Variants in KIF13B observed in about 807,000 individuals in gnomAD.
The protein encoded by KIF13B is kinesin-like protein KIF13B.
Under a neutral mutation model 222.0 loss-of-function variants are expected in KIF13B, and 127 were observed. That is an observed-to-expected ratio of 0.57 (90% CI 0.50 to 0.66). The LOEUF is 0.66. KIF13B is among the 30% of genes least tolerant of loss of function. The pLI, the probability that KIF13B is intolerant of heterozygous loss-of-function variation, is 0.00. For synonymous variants in KIF13B, 976 were observed against 919.0 expected, an observed-to-expected ratio of 1.06 and a Z score of -1.12; for missense variants, 2,173 against 2,379.0, an observed-to-expected ratio of 0.91 and a Z score of 1.80.
chr8:29,215,290 G>C (rs912405976), intron 2 of KIF13B, among the ~76,000 whole-genome samples: 4 of 151,996 alleles, frequency 2.6e-5, no homozygotes, highest in African/African-American at 9.7e-5. Flanking sequence ...GCAAATTTGG[G>C]GCAACACCTG....
At chr8:29,199,732 A>C (rs1011628224) in intron 2 of KIF13B, among the ~76,000 whole-genome samples, 2 of 152,126 alleles carry the variant, frequency 1.3e-5, no homozygotes, top group African/African-American at 4.8e-5. Context: ...ACACTGATCA[A>C]AACACTCTCG....
At position 29,068,741 on chromosome 8, in the gene KIF13B, G is replaced by A. The variant is rs1284157630; in HGVS notation, c.*1763C>T. 2 of 152,536 alleles carry A rather than the reference G, an allele frequency of 1.3e-5. No homozygotes were observed. Among genetic ancestry groups the A allele is most frequent in the Middle Eastern group, 3.4e-3 (1 of 294 alleles). 9.4% of individuals were successfully genotyped at this position (152,536 alleles called of 1,614,324 possible). A position where few individuals can be genotyped will look rare whatever the true frequency, so the allele number is the denominator to read the frequency against. On this transcript the variant is annotated 3_prime_UTR_variant, in exon 40 of 40. Coordinates refer to ENST00000524189, the MANE Select transcript of KIF13B (RefSeq NM_015254.4). The surrounding 1 kb of genome is among the most constrained non-coding windows in gnomAD (Gnocchi z 4.4). ...CACCCAGGCCATAGTGACACCAGCGGACCCAAAAACAAACTTCTCAGTGAA... is the reference window on the plus strand; with the variant it reads ...CACCCAGGCCATAGTGACACCAGCGAACCCAAAAACAAACTTCTCAGTGAA...
At chr8:29,119,819 G>A (rs1039232925) in intron 29 of KIF13B, among the ~76,000 whole-genome samples, 7 of 149,266 alleles carry the variant, frequency 4.7e-5, no homozygotes, top group Admixed American at 1.3e-4. Flanking sequence ...TGTATTATTC[G>A]GTATTATTCT....
At chr8:29,216,669 C>A (rs1177708827) in intron 2 of KIF13B, among the ~76,000 whole-genome samples, 1 of 151,894 alleles carries the variant, frequency 6.6e-6, no homozygotes, top group Non-Finnish European at 1.5e-5. Context: ...GCCCTCCCAC[C>A]CATGGCAAAT....
At chr8:29,163,644 G>GT (rs1292401415) in intron 12 of KIF13B, among the ~76,000 whole-genome samples, 5 of 152,260 alleles carry the variant, frequency 3.3e-5, no homozygotes, top group South Asian at 2.1e-4. Flanking sequence ...AAGAGACCAG[G>GT]TTTCTTCAAT....
chr8:29,149,081 G>A (rs896004651), intron 15 of KIF13B, among the ~76,000 whole-genome samples: 1 of 152,184 alleles, frequency 6.6e-6, no homozygotes, highest in African/African-American at 2.4e-5. Context: ...AGTCTTCACG[G>A]ATAAGGAGAA....
chr8:29,075,448 C>T (rs190345447), intron 37 of KIF13B, 105 bp from the exon 38 acceptor site: 10 of 1,032,832 alleles, frequency 9.7e-6, no homozygotes, highest in South Asian at 4.9e-5. Context: ...CGAGGGGAAT[C>T]GGCCCATCAG....
At chr8:29,230,599 T>C (rs900316792) in intron 2 of KIF13B, among the ~76,000 whole-genome samples, 5 of 152,114 alleles carry the variant, frequency 3.3e-5, no homozygotes, top group African/African-American at 1.2e-4. Flanking sequence ...TGTGGGAGTG[T>C]ATCCCAGGCA....
intron 2 of KIF13B, among the ~76,000 whole-genome samples, chr8:29,215,917 T>C (rs1019718139): frequency 3.3e-5 from 5 of 152,200 alleles, no homozygotes; most frequent in East Asian, 1.9e-4. Flanking sequence ...GTATTGCCTA[T>C]AGGAGGTATA....
chr8:29,115,343 T>G (rs80343143), intron 31 of KIF13B, among the ~76,000 whole-genome samples: 1 of 151,264 alleles, frequency 6.6e-6, no homozygotes, highest in African/African-American at 2.4e-5. Context: ...TTTTTTTTTT[T>G]GAGACAGAGT....
chr8:29,143,391 A>G (rs1810906452), intron 18 of KIF13B, among the ~76,000 whole-genome samples: 1 of 152,228 alleles, frequency 6.6e-6, no homozygotes, highest in Non-Finnish European at 1.5e-5. Flanking sequence ...TTAAAAGAGT[A>G]AACTGAAAAG....
chr8:29,102,429 C>T (rs1808835692), intron 35 of KIF13B, among the ~76,000 whole-genome samples: 1 of 152,210 alleles, frequency 6.6e-6, no homozygotes. Flanking sequence ...CACATTTGTC[C>T]TCACCGGCAG....
intron 2 of KIF13B, among the ~76,000 whole-genome samples, chr8:29,236,333 C>T (rs1054857623): frequency 9.9e-5 from 15 of 152,042 alleles, no homozygotes; most frequent in African/African-American, 3.6e-4. Context: ...GGGAAGAAGA[C>T]AGGGATGAAG....
At chr8:29,261,022 C>A (rs1342415700) in intron 1 of KIF13B, among the ~76,000 whole-genome samples, 1 of 152,118 alleles carries the variant, frequency 6.6e-6, no homozygotes, top group East Asian at 1.9e-4. Flanking sequence ...TTTATGTGAA[C>A]AATTACTTCA....
intron 36 of KIF13B, among the ~76,000 whole-genome samples, chr8:29,093,399 C>A (rs1808386891): frequency 6.6e-6 from 1 of 152,140 alleles, no homozygotes; most frequent in Non-Finnish European, 1.5e-5. Flanking sequence ...GGGAGAGACG[C>A]CCTGAACAAC....
chr8:29,175,907 T>A (rs576149163), intron 10 of KIF13B, among the ~76,000 whole-genome samples, 161 bp downstream of exon 10: 1 of 152,338 alleles, frequency 6.6e-6, no homozygotes, highest in African/African-American at 2.4e-5. Context: ...AAAACCTACG[T>A]TTATTCCATC....
chr8:29,230,004 A>C (rs1815213333), intron 2 of KIF13B, among the ~76,000 whole-genome samples: 1 of 152,246 alleles, frequency 6.6e-6, no homozygotes, highest in Non-Finnish European at 1.5e-5. Context: ...AAGAGAGTTG[A>C]CAAGAATAAA....
chr8:29,113,130 G>A (rs1257876836), intron 32 of KIF13B, among the ~76,000 whole-genome samples: 1 of 152,162 alleles, frequency 6.6e-6, no homozygotes, highest in African/African-American at 2.4e-5. Flanking sequence ...ACAGAAACAA[G>A]ATTTCTGTTT....
At position 29,118,865 on chromosome 8, in the gene KIF13B, T is replaced by C; in HGVS notation, c.3660+3A>G. On this transcript the variant is annotated splice_donor_region_variant and intron_variant, in intron 30 of 39. Coordinates refer to ENST00000524189, the MANE Select transcript of KIF13B (RefSeq NM_015254.4). ...TGACCATCCCAAGTTAGGCTTTCCT[T>C]ACCTCCCCATCATGCTGCTTCACAA... 6.2e-7 allele frequency: 1 copy of C among 1,613,672 alleles called. No homozygotes were observed. Among genetic ancestry groups the C allele is most frequent in the South Asian group, 1.1e-5 (1 of 90,976 alleles).
Sources: allele counts gnomAD v4.1 joint callset (sites outside exome capture counted in the v4.1 genomes callset), GRCh38; gene constraint gnomAD v4.1.1; non-coding constraint Gnocchi (gnomAD v3.1); transcripts MANE v1.5; gene names NCBI Gene and HGNC (gene_info 2026-07-23, HGNC 2026-07-21).